The following INSRR variants were observed in gnomAD, a reference collection of about 807,000 sequenced individuals.
INSRR encodes the protein insulin receptor-related protein.
In INSRR, 114 loss-of-function variants were observed where a neutral mutation model predicts 130.0. The ratio of observed to expected loss-of-function variants is 0.88; its 90% CI spans 0.75 to 1.02. INSRR has a LOEUF of 1.02. Among genes scored for constraint, INSRR ranks in the 50% least tolerant of loss-of-function variants. The pLI, the probability that INSRR is intolerant of heterozygous loss-of-function variation, is 0.00. For missense variants in INSRR, 1,657 were observed against 1,735.2 expected (o/e 0.95, Z 0.80); for synonymous variants, 674 against 705.2 (o/e 0.96, Z 0.70).
In INSRR at chr1:156,840,671, G is replaced by T; in HGVS notation, c.*202C>A. ...GCTTTGACCCTGCTTGCTCTCCCCC[G>T]AGGGACTCAGAGTCTGAGAAACTCC... On this transcript the variant is annotated 3_prime_UTR_variant, in exon 22 of 22. Coordinates refer to ENST00000368195, the MANE Select transcript of INSRR (RefSeq NM_014215.3). 1 of 602,364 alleles carries T rather than the reference G, an allele frequency of 1.7e-6. No homozygotes were observed. Among genetic ancestry groups the T allele is most frequent in the East Asian group, 2.8e-5 (1 of 36,122 alleles). 37.3% of individuals were successfully genotyped at this position (602,364 alleles called of 1,614,324 possible).
Position 156,841,393 on chromosome 1 carries a change from C to T in INSRR, c.3662+1G>A. On this transcript the variant is annotated splice_donor_variant, in intron 21 of 21. Coordinates refer to ENST00000368195, the MANE Select transcript of INSRR (RefSeq NM_014215.3). LOFTEE classifies it high-confidence loss of function. ...AGGAAGGGGCAGGGGAGGTGACTCA[C>T]AGCTGAAGGGGACAGCCCTCCAGCT... The T allele has an allele frequency of 6.2e-7, 1 of 1,613,644 alleles. No homozygotes were observed. Among genetic ancestry groups the T allele is most frequent in the Non-Finnish European group, 8.5e-7 (1 of 1,179,700 alleles).
intron 2 of INSRR, among the ~76,000 whole-genome samples, chr1:156,853,028 G>A (rs1348641607): frequency 2.0e-5 from 3 of 152,074 alleles, no homozygotes; most frequent in Non-Finnish European, 1.5e-5. Context: ...TTCCTATAAC[G>A]TTTTGCTTAC....
rs1465751198 is a variant in INSRR, at chr1:156,846,568, A to G, written c.1761T>C (p.Pro587=). ...AITLTTEEDS[P]HQGAQSPIVY... The stretch of plus-strand genomic sequence containing the variant: ...CGATGGGACTCTGGGCTCCTTGATG[A>G]GGGCTGTCCTCCTCAGTGGTTAGCG... Residue 587 remains proline (P), a synonymous_variant, in exon 8 of 22, where the codon CCT becomes CCC. Transcript: ENST00000368195. 2 of 1,614,100 alleles carry G rather than the reference A, an allele frequency of 1.2e-6. No homozygotes were observed. The highest frequency in any genetic ancestry group is 3.3e-5 in the Admixed American group (2 of 60,024).
rs1248489193 is a variant in INSRR, at chr1:156,846,894, T to A, written c.1572-137A>T. Reference sequence around the variant, plus strand: ...CAAAGCCATGACTCCAGCCACCTGTTAGACCTTGGCAAGGGGGGGCGGAGG... The same window carrying A: ...CAAAGCCATGACTCCAGCCACCTGTAAGACCTTGGCAAGGGGGGGCGGAGG... On this transcript the variant is annotated intron_variant, in intron 7 of 21. Transcript: ENST00000368195. The A allele has an allele frequency of 1.1e-5, 8 of 700,268 alleles. No homozygotes were observed. In the African/African-American group the frequency reaches 1.4e-4, roughly 12 times the overall value. The allele number at this position is 700,268 out of a possible 1,614,324, so 43.4% of individuals were successfully genotyped here.
At chr1:156,846,424 T>C in intron 8 of INSRR, 95 bp downstream of exon 8, 1 of 1,023,086 alleles carries the variant, frequency 9.8e-7, no homozygotes, top group South Asian at 1.5e-5. Flanking sequence ...GGGCCAGGTG[T>C]TCAGTGCCCC....
chr1:156,855,176 T>TTATCTATCTATC (rs142014665), intron 1 of INSRR, among the ~76,000 whole-genome samples: 46,970 of 143,304 alleles, frequency 0.33, 7,968 homozygotes, highest in Middle Eastern at 0.39. Flanking sequence ...CCATCCAATT[T>TTATCTATCTATC]TATCTATCTA....
At position 156,843,610 on chromosome 1, in the gene INSRR, A is replaced by G. The variant is rs1014057316; in HGVS notation, c.2844-131T>C. ...CACACCCCCAGCCTTGGTCAGGGTG[A>G]CTCCTGGGGATCCCTAAGTACCCTC... is the stretch of plus-strand genomic sequence containing the variant. On this transcript the variant is annotated intron_variant, in intron 15 of 21. Coordinates refer to ENST00000368195, the MANE Select transcript of INSRR (RefSeq NM_014215.3). 3.2e-6 allele frequency: 3 copies of G among 924,926 alleles called. No homozygotes were observed. The African/African-American group carries it at 4.9e-5, about 15-fold the overall frequency. The allele number at this position is 924,926 out of a possible 1,614,324, so 57.3% of individuals were successfully genotyped here. A position where few individuals can be genotyped will look rare whatever the true frequency, so the allele number is the denominator to read the frequency against.
chr1:156,844,917 G>A lies in INSRR; in HGVS notation c.2438-74C>T, dbSNP rs78462811. 2.3e-4 allele frequency: 365 copies of A among 1,590,796 alleles called. 2 individuals are homozygous for A. In the African/African-American group the frequency reaches 4.5e-3, roughly 20 times the overall value. ...CTTATGTTCAAACCCAAGCTAAACT[G>A]GGCTGAGCTGGGAGGTGGGGAAAGC... On this transcript the variant is annotated intron_variant, in intron 12 of 21. Coordinates refer to ENST00000368195, the MANE Select transcript of INSRR (RefSeq NM_014215.3).
At chr1:156,841,905 C>A (rs955767102) in intron 19 of INSRR, 111 bp from the exon 20 acceptor site, 1 of 1,591,204 alleles carries the variant, frequency 6.3e-7, no homozygotes, top group African/African-American at 1.3e-5. Flanking sequence ...TCACCAAGAA[C>A]CCTGGAAAGT....
In INSRR at chr1:156,851,629, C is replaced by G. The variant is rs1429427605; in HGVS notation, c.1084+17G>C. The G allele has an allele frequency of 6.2e-7, 1 of 1,613,896 alleles. No homozygotes were observed. Among genetic ancestry groups the G allele is most frequent in the Non-Finnish European group, 8.5e-7 (1 of 1,179,976 alleles). On this transcript the variant is annotated intron_variant, in intron 4 of 21. Transcript: ENST00000368195. ...TATGACCAGGAGGAGGGGTGTGGCCCCAAAGTAGGTACTGACAGCCCTGGC... is the reference window on the plus strand; with the variant it reads ...TATGACCAGGAGGAGGGGTGTGGCCGCAAAGTAGGTACTGACAGCCCTGGC...
chr1:156,848,863 C>G (rs1004130823), intron 7 of INSRR, 58 bp downstream of exon 7: 340 of 1,529,732 alleles, frequency 2.2e-4, no homozygotes, highest in Non-Finnish European at 2.6e-4. Context: ...CCTGTGGTCC[C>G]GAAGAAATTG....
At chr1:156,845,541 A>AACCCCC in intron 10 of INSRR, 78 bp downstream of exon 10, 20 of 1,288,332 alleles carry the variant, frequency 1.6e-5, no homozygotes, top group Non-Finnish European at 1.8e-5. Context: ...CCACCCACAA[A>AACCCCC]CCCCACCCCT....
chr1:156,847,539 T>C (rs1432606154), intron 7 of INSRR, among the ~76,000 whole-genome samples: 4 of 152,138 alleles, frequency 2.6e-5, no homozygotes, highest in South Asian at 2.1e-4. Context: ...AAGGGGATGA[T>C]GGAATTCATG....
At chr1:156,857,709 G>A (rs1404571451) in intron 1 of INSRR, among the ~76,000 whole-genome samples, 1 of 152,174 alleles carries the variant, frequency 6.6e-6, no homozygotes, top group African/African-American at 2.4e-5. Flanking sequence ...CTGCCCCTGG[G>A]AGCCCCCAGT....
chr1:156,845,184 G>C lies in INSRR; in HGVS notation c.2329C>G (p.Leu777Val). 8 of 1,610,446 alleles carry C rather than the reference G, an allele frequency of 5.0e-6. No individual in the cohort carries two copies. Among genetic ancestry groups the C allele is most frequent in the Non-Finnish European group, 6.8e-6 (8 of 1,178,666 alleles). The change falls in exon 12 of 22, where the codon CTG becomes GTG. Residue 777 changes from leucine (L) to valine (V), a missense_variant. Physicochemically the swap from Leu to Val is conservative, Grantham distance 32 (BLOSUM62 1). Transcript: ENST00000368195. Reference protein sequence around the residue: ...VPRERAVLSGLRHFTEYRIDI... With the variant: ...VPRERAVLSGVRHFTEYRIDI... The stretch of plus-strand genomic sequence containing the variant: ...ATCCGGTATTCCGTGAAGTGGCGCA[G>C]GCCGCTCAGCACCGCTCGCTCACGG...
At chr1:156,845,885 G>T (rs1395655332) in intron 9 of INSRR, 67 bp downstream of exon 9, 1 of 1,598,044 alleles carries the variant, frequency 6.3e-7, no homozygotes, top group Non-Finnish European at 8.5e-7. Context: ...CACCTGCCGG[G>T]GCCCTGCGCC....
intron 2 of INSRR, 112 bp downstream of exon 2, chr1:156,853,640 T>C: frequency 9.1e-7 from 1 of 1,095,688 alleles, no homozygotes; most frequent in Non-Finnish European, 1.3e-6. Context: ...TGAGTGAGGA[T>C]TAAAAAACAG....
chr1:156,842,138 G>A lies in INSRR; in HGVS notation c.3371C>T (p.Ser1124Phe). 6.2e-7 allele frequency: 1 copy of A among 1,613,962 alleles called. No homozygotes were observed. The change falls in exon 19 of 22, where the codon TCC (serine) becomes TTC (phenylalanine). Residue 1124 changes from serine (S) to phenylalanine (F), a missense_variant. Physicochemically the swap from Ser to Phe is radical, Grantham distance 155. Transcript: ENST00000368195. ...RDLAARNCMV[S>F]QDFTVKIGDF... ...CCCGATCTTGACGGTGAAGTCCTGG[G>A]ACACCATGCAGTTGCGGGCTGCTAG... is the stretch of plus-strand genomic sequence containing the variant.
At chr1:156,855,530 C>T (rs967116308) in intron 1 of INSRR, among the ~76,000 whole-genome samples, 3 of 150,810 alleles carry the variant, frequency 2.0e-5, no homozygotes, top group Admixed American at 6.6e-5. Flanking sequence ...AAATTGACTT[C>T]TATTTTCACT....
Sources: allele counts gnomAD v4.1 joint callset (sites outside exome capture counted in the v4.1 genomes callset), GRCh38; gene constraint gnomAD v4.1.1; transcripts MANE v1.5; gene names NCBI Gene and HGNC (gene_info 2026-07-23, HGNC 2026-07-21).